PCDHA12: variants seen among roughly 807,000 people sequenced by gnomAD.
PCDHA12 encodes protocadherin alpha-12.
Under a neutral mutation model 60.0 loss-of-function variants are expected in PCDHA12, and 44 were observed. That is an observed-to-expected ratio of 0.73 (90% confidence interval 0.58 to 0.94). The LOEUF (loss-of-function observed/expected upper bound fraction) is 0.94. Ranked by LOEUF, PCDHA12 falls within the 40% of genes least tolerant of loss-of-function variation. The probability of loss-of-function intolerance (pLI) is 0.00; values close to 1 mark genes in which losing one functional copy is unlikely to be tolerated. For missense variants in PCDHA12, 1,276 were observed against 1,239.7 expected, an observed-to-expected ratio of 1.03 and a Z score of -0.44; for synonymous variants, 569 against 553.0, an observed-to-expected ratio of 1.03 and a Z score of -0.40.
chr5:140,878,567 G>T (rs562054144), intron 1 of PCDHA12, among the ~76,000 whole-genome samples: 1 of 152,268 alleles, frequency 6.6e-6, no homozygotes, highest in Non-Finnish European at 1.5e-5. Flanking sequence ...ACTTATCATA[G>T]TATACCACTG....
chr5:140,966,546 C>T, intron 1 of PCDHA12: 1 of 466,228 alleles, frequency 2.1e-6, no homozygotes, highest in Non-Finnish European at 3.7e-6. Context: ...GACTCGGAGG[C>T]GAGCGGAGGA....
intron 1 of PCDHA12, among the ~76,000 whole-genome samples, chr5:140,970,269 A>G (rs1410341195): frequency 6.6e-6 from 1 of 152,184 alleles, no homozygotes; most frequent in East Asian, 1.9e-4. Flanking sequence ...TTTTGATGAG[A>G]TGTAAAGTAG....
intron 3 of PCDHA12, among the ~76,000 whole-genome samples, chr5:141,006,862 A>G (rs1188678069): frequency 4.6e-5 from 7 of 152,244 alleles, no homozygotes; most frequent in Non-Finnish European, 1.0e-4. Flanking sequence ...TTAGAAAGGA[A>G]TAGATTCGAG....
chr5:140,970,657 T>C (rs1487534093), intron 1 of PCDHA12, among the ~76,000 whole-genome samples: 1 of 152,232 alleles, frequency 6.6e-6, no homozygotes, highest in Non-Finnish European at 1.5e-5. Context: ...TGAATTGTTA[T>C]CTTTCCAAAT....
chr5:140,999,363 A>G (rs772527438), intron 3 of PCDHA12, among the ~76,000 whole-genome samples: 1 of 152,198 alleles, frequency 6.6e-6, no homozygotes, highest in Non-Finnish European at 1.5e-5. Flanking sequence ...AATGTTCACA[A>G]TCCCATTAGA....
At chr5:140,902,938 C>T (rs2069876653) in intron 1 of PCDHA12, among the ~76,000 whole-genome samples, 1 of 152,186 alleles carries the variant, frequency 6.6e-6, no homozygotes. Flanking sequence ...ATATATACCA[C>T]ATTTTCTTTA....
At chr5:140,899,841 T>C (rs2067584927) in intron 1 of PCDHA12, among the ~76,000 whole-genome samples, 1 of 152,208 alleles carries the variant, frequency 6.6e-6, no homozygotes, top group Non-Finnish European at 1.5e-5. Flanking sequence ...CAGGTCTTGC[T>C]GTGTCACCCA....
In PCDHA12 at chr5:140,877,159, C is replaced by G; in HGVS notation, c.1687C>G (p.Pro563Ala). 2 of 1,613,818 alleles carry G rather than the reference C, an allele frequency of 1.2e-6. No individual in the cohort carries two copies. Among genetic ancestry groups the G allele is most frequent in the Non-Finnish European group, 1.7e-6 (2 of 1,179,856 alleles). Residue 563 changes from proline (P) to alanine (A), a missense_variant, in exon 1 of 4, where the codon CCG (proline) becomes GCG (alanine). Transcript: ENST00000398631. ...CGTGCTGGACGAGAACGACAACGCG[C>G]CGGCACTGCTGGCGACTCCGGCTGG... is the stretch of plus-strand genomic sequence containing the variant. ...VFVLDENDNA[P>A]ALLATPAGSA...
chr5:140,978,794 TG>T (rs1179958432), intron 1 of PCDHA12, 154 bp from the exon 2 acceptor site: 8 of 978,628 alleles, frequency 8.2e-6, no homozygotes, highest in Non-Finnish European at 9.7e-6. Context: ...GTGCTATATA[TG>T]TAGATATCAT....
intron 1 of PCDHA12, among the ~76,000 whole-genome samples, chr5:140,972,284 T>A (rs113618936): frequency 3.6e-4 from 55 of 150,874 alleles, no homozygotes; most frequent in African/African-American, 1.3e-3. Context: ...GGACCATAGA[T>A]GTGCGCCACC....
At chr5:140,948,897 T>G (rs1487067374) in intron 1 of PCDHA12, among the ~76,000 whole-genome samples, 4 of 151,680 alleles carry the variant, frequency 2.6e-5, no homozygotes, top group Non-Finnish European at 5.9e-5. Flanking sequence ...AGATTTTAAG[T>G]GGATTCTTAG....
intron 1 of PCDHA12, among the ~76,000 whole-genome samples, chr5:140,931,298 AAG>A (rs2087432571): frequency 6.6e-6 from 1 of 152,144 alleles, no homozygotes; most frequent in African/African-American, 2.4e-5. Context: ...CTGTAACAAA[AAG>A]AGAGGAGAAT....
At chr5:140,904,275 C>A (rs169087) in intron 1 of PCDHA12, among the ~76,000 whole-genome samples, 7,060 of 152,068 alleles carry the variant, frequency 0.046, 292 homozygotes, top group African/African-American at 0.11. Flanking sequence ...TGAATGAGAA[C>A]ATGTGGTGTT....
At chr5:140,927,827 C>T (rs1554205116) in intron 1 of PCDHA12, 2 of 1,614,100 alleles carry the variant, frequency 1.2e-6, no homozygotes, top group South Asian at 2.2e-5. Flanking sequence ...TACATTGAGG[C>T]GAGGGACGAA....
chr5:140,968,465 G>A lies in PCDHA12; in HGVS notation c.2368-10484G>A, dbSNP rs782606184. On this transcript the variant is annotated intron_variant, in intron 1 of 3. Coordinates refer to ENST00000398631, the MANE Select transcript of PCDHA12 (RefSeq NM_018903.4). ...ACTGAGCAGCACTGTGACTGCCAACGTATATGTGGTGGACATGAATGACCA... is the reference window on the plus strand; with the variant it reads ...ACTGAGCAGCACTGTGACTGCCAACATATATGTGGTGGACATGAATGACCA... 78 of 1,614,004 alleles carry A rather than the reference G, an allele frequency of 4.8e-5. No individual in the cohort carries two copies. Among genetic ancestry groups the A allele is most frequent in the Non-Finnish European group, 6.1e-5 (72 of 1,180,028 alleles).
chr5:140,938,797 G>A (rs76361474), intron 1 of PCDHA12, among the ~76,000 whole-genome samples: 2 of 151,926 alleles, frequency 1.3e-5, no homozygotes, highest in East Asian at 1.9e-4. Flanking sequence ...TGAAATAATC[G>A]GTACCACAAA....
intron 2 of PCDHA12, among the ~76,000 whole-genome samples, chr5:140,980,713 C>A (rs1034858406): frequency 1.3e-5 from 2 of 151,364 alleles, no homozygotes; most frequent in Non-Finnish European, 2.9e-5. Context: ...TGCTCCTATT[C>A]GGGTTTCAAT....
intron 1 of PCDHA12, among the ~76,000 whole-genome samples, chr5:140,911,002 C>A (rs1216727256): frequency 6.6e-6 from 1 of 152,114 alleles, no homozygotes; most frequent in Non-Finnish European, 1.5e-5. Context: ...CCCTAGGGCC[C>A]TCCTGGGACT....
chr5:140,927,099 T>G lies in PCDHA12; in HGVS notation c.2367+49260T>G, dbSNP rs782352775. 10 of 1,613,434 alleles carry G rather than the reference T, an allele frequency of 6.2e-6. No homozygotes were observed. In the South Asian group the frequency reaches 7.7e-5, roughly 12 times the overall value. On this transcript the variant is annotated intron_variant, in intron 1 of 3. Coordinates refer to ENST00000398631, the MANE Select transcript of PCDHA12 (RefSeq NM_018903.4). The stretch of plus-strand genomic sequence containing the variant: ...ACCGCGAGCTCTACTTCGGGGTGGA[T>G]CTACCCAGCGGCAATTTGGTGGTCA...
Sources: allele counts gnomAD v4.1 joint callset (sites outside exome capture counted in the v4.1 genomes callset), GRCh38; gene constraint gnomAD v4.1.1; transcripts MANE v1.5; gene names NCBI Gene and HGNC (gene_info 2026-07-23, HGNC 2026-07-21).